SPRED2: variants seen among roughly 807,000 people sequenced by gnomAD.
SPRED2 encodes sprouty related EVH1 domain containing 2.
A neutral mutation model predicts 43.0 loss-of-function variants in SPRED2; 47 were observed. The ratio of observed to expected loss-of-function variants is 1.09; its 90% CI spans 0.87 to 1.40. The LOEUF (loss-of-function observed/expected upper bound fraction) is 1.40. Ranked by LOEUF, SPRED2 falls within the 40% of genes most tolerant of loss-of-function variation. The pLI is 0.00. For missense variants in SPRED2, 561 were observed against 586.4 expected (o/e 0.96, Z 0.45); for synonymous variants, 225 against 225.7 (o/e 1.00, Z 0.03).
intron 2 of SPRED2, among the ~76,000 whole-genome samples, chr2:65,341,718 T>C (rs1376355482): frequency 2.0e-5 from 3 of 152,202 alleles, no homozygotes; most frequent in Admixed American, 2.0e-4. Flanking sequence ...AAGTTTACTA[T>C]GCACTAGTAA....
chr2:65,362,831 C>G, intron 1 of SPRED2, among the ~76,000 whole-genome samples: 1 of 149,584 alleles, frequency 6.7e-6, no homozygotes, highest in South Asian at 2.1e-4. Flanking sequence ...GCACTCCAGC[C>G]TGGGCAACAA....
chr2:65,365,858 T>C (rs748053982), intron 1 of SPRED2, among the ~76,000 whole-genome samples: 15 of 152,052 alleles, frequency 9.9e-5, no homozygotes, highest in Admixed American at 7.2e-4. Flanking sequence ...ATTTAGTGGG[T>C]GAAGAAAGAG....
intron 2 of SPRED2, among the ~76,000 whole-genome samples, chr2:65,337,771 A>G (rs952171056): frequency 1.3e-5 from 2 of 152,220 alleles, no homozygotes; most frequent in Non-Finnish European, 2.9e-5. Flanking sequence ...ACTAACGGAC[A>G]TTTATGTCAG....
chr2:65,396,789 A>G (rs961056930), intron 1 of SPRED2, among the ~76,000 whole-genome samples: 10 of 152,246 alleles, frequency 6.6e-5, no homozygotes, highest in African/African-American at 1.9e-4. Flanking sequence ...TTTTAAACAA[A>G]TAAGTCACCC....
downstream of SPRED2, among the ~76,000 whole-genome samples, chr2:65,310,246 T>C (rs112468792): frequency 7.2e-5 from 11 of 152,162 alleles, no homozygotes; most frequent in Middle Eastern, 6.8e-3. Flanking sequence ...TATATCTCCT[T>C]TTAAGGGCCC....
chr2:65,425,275 T>C (rs1676530399), intron 1 of SPRED2, among the ~76,000 whole-genome samples: 1 of 152,224 alleles, frequency 6.6e-6, no homozygotes, highest in Admixed American at 6.5e-5. Context: ...AAACCATACA[T>C]TTTAGAAGCT....
intron 1 of SPRED2, among the ~76,000 whole-genome samples, chr2:65,400,378 T>C (rs955502444): frequency 6.6e-6 from 1 of 152,202 alleles, no homozygotes; most frequent in African/African-American, 2.4e-5. Context: ...TATTGTTTCA[T>C]CCACAAATAG....
intron 1 of SPRED2, among the ~76,000 whole-genome samples, chr2:65,360,100 CAAAA>C (rs57801875): frequency 3.8e-4 from 39 of 103,232 alleles, no homozygotes; most frequent in African/African-American, 1.3e-3. Context: ...AAAAAAAAAA[CAAAA>C]AAAAAAAAAA....
intron 2 of SPRED2, among the ~76,000 whole-genome samples, chr2:65,338,590 T>C (rs1318621559): frequency 4.6e-5 from 7 of 151,052 alleles, no homozygotes; most frequent in Non-Finnish European, 4.4e-5. Flanking sequence ...GGAGTCTCAT[T>C]CACTCAGTGC....
chr2:65,323,929 C>T (rs543320982), intron 4 of SPRED2, among the ~76,000 whole-genome samples: 7 of 151,706 alleles, frequency 4.6e-5, no homozygotes, highest in East Asian at 1.9e-4. Flanking sequence ...GGGTGCTTTG[C>T]GGGATGTGGG....
intron 1 of SPRED2, among the ~76,000 whole-genome samples, chr2:65,414,627 T>C (rs1676231835): frequency 6.6e-6 from 1 of 152,242 alleles, no homozygotes; most frequent in African/African-American, 2.4e-5. Flanking sequence ...TTCAGACTTC[T>C]ACAGCATTCT....
intron 1 of SPRED2, among the ~76,000 whole-genome samples, chr2:65,382,142 C>T (rs1402478144): frequency 6.6e-6 from 1 of 152,076 alleles, no homozygotes; most frequent in Non-Finnish European, 1.5e-5. Flanking sequence ...ACTGGAGCAG[C>T]CTGACCTGTG....
chr2:65,405,172 T>C (rs1305583086), intron 1 of SPRED2, among the ~76,000 whole-genome samples: 1 of 152,248 alleles, frequency 6.6e-6, no homozygotes, highest in East Asian at 1.9e-4. Context: ...TTAGCGTTTA[T>C]GTCACTACCC....
chr2:65,385,004 GCT>G lies in SPRED2; in HGVS notation c.27-40110_27-40109del, dbSNP rs533776956. ...TTTTTTTTTTTTGAGACGGACTCTTGCTCTGTCACCCAGGCTGGAGTGCAGTG... is the reference window on the plus strand; with the variant it reads ...TTTTTTTTTTTTGAGACGGACTCTTGCTGTCACCCAGGCTGGAGTGCAGTG... On this transcript the variant is annotated intron_variant, in intron 1 of 5. Coordinates refer to ENST00000356388, the MANE Select transcript of SPRED2 (RefSeq NM_181784.3). Among the ~76,000 whole-genome samples the G allele has an allele frequency of 1.7e-3, 205 of 122,880 alleles. 2 individuals are homozygous for G. Among genetic ancestry groups the G allele is most frequent in the African/African-American group, 5.7e-3 (193 of 33,902 alleles). The allele number at this position is 122,880 out of a possible 152,430, so 80.6% of individuals were successfully genotyped here.
At chr2:65,342,509 C>A (rs1008843299) in intron 2 of SPRED2, among the ~76,000 whole-genome samples, 5 of 150,492 alleles carry the variant, frequency 3.3e-5, no homozygotes, top group African/African-American at 1.2e-4. Flanking sequence ...TATTTTATAT[C>A]CCTCAATGTG....
chr2:65,379,073 C>T (rs188458672), intron 1 of SPRED2, among the ~76,000 whole-genome samples: 2 of 152,198 alleles, frequency 1.3e-5, no homozygotes, highest in Admixed American at 6.5e-5. Context: ...ATTACCGGTG[C>T]AATCAAAGAT....
chr2:65,381,272 G>A (rs945682379), intron 1 of SPRED2, among the ~76,000 whole-genome samples: 2 of 152,232 alleles, frequency 1.3e-5, no homozygotes, highest in Non-Finnish European at 2.9e-5. Flanking sequence ...TGCACCAGCA[G>A]ATGTCTTGAT....
At chr2:65,364,250 A>G (rs1055437386) in intron 1 of SPRED2, among the ~76,000 whole-genome samples, 2 of 152,252 alleles carry the variant, frequency 1.3e-5, no homozygotes, top group Non-Finnish European at 2.9e-5. Context: ...TCCAATAACA[A>G]TGAATCCCCA....
chr2:65,344,906 C>CAAG lies in SPRED2; in HGVS notation c.27-13_27-11dup. ...CACAATATAGCTGTCACTAAAACGA[C>CAAG]AAGAAGAAGAAGCACAGGGCATGAC... On this transcript the variant is annotated splice_polypyrimidine_tract_variant and intron_variant, in intron 1 of 5. Coordinates refer to ENST00000356388, the MANE Select transcript of SPRED2 (RefSeq NM_181784.3). The CAAG allele has an allele frequency of 6.2e-7, 1 of 1,610,324 alleles. No homozygotes were observed. Among genetic ancestry groups the CAAG allele is most frequent in the Non-Finnish European group, 8.5e-7 (1 of 1,177,198 alleles).
Sources: allele counts gnomAD v4.1 joint callset (sites outside exome capture counted in the v4.1 genomes callset), GRCh38; gene constraint gnomAD v4.1.1; transcripts MANE v1.5; gene names NCBI Gene and HGNC (gene_info 2026-07-23, HGNC 2026-07-21).